NTM: variants seen among roughly 807,000 people sequenced by gnomAD.
The protein encoded by NTM is IgLON family member 2.
A neutral mutation model predicts 42.1 loss-of-function variants in NTM; 13 were observed. The observed-to-expected ratio is 0.31, with a 90% CI of 0.20 to 0.49. The LOEUF (loss-of-function observed/expected upper bound fraction) is 0.49. Ranked by LOEUF, NTM falls within the 20% of genes least tolerant of loss-of-function variation. NTM has a pLI of 0.99. For missense variants in NTM, 373 were observed against 452.8 expected (o/e 0.82, Z 1.60); for synonymous variants, 187 against 179.2 (o/e 1.04, Z -0.35).
chr11:132,295,762 C>T (rs1388161407), intron 4 of NTM, among the ~76,000 whole-genome samples: 2 of 152,104 alleles, frequency 1.3e-5, no homozygotes, highest in African/African-American at 4.8e-5. Flanking sequence ...CTCATGGGAA[C>T]CTTCACATTC....
In NTM at chr11:131,852,051, C is replaced by G. The variant is rs138017413; in HGVS notation, c.83-59513C>G. ...TACTGGACTCGCAGATAGAATTGTC[C>G]TTGATGTTCCGAATAGAGAGAAAGG... On this transcript the variant is annotated intron_variant, in intron 1 of 8. Transcript: ENST00000683400. Among the ~76,000 whole-genome samples, 351 of 152,176 alleles carry G rather than the reference C, an allele frequency of 2.3e-3. 1 individual carries two copies. Among genetic ancestry groups the G allele is most frequent in the African/African-American group, 8.1e-3 (336 of 41,546 alleles).
intron 4 of NTM, among the ~76,000 whole-genome samples, chr11:132,299,871 A>G (rs1799017566): frequency 6.6e-6 from 1 of 152,136 alleles, no homozygotes; most frequent in Non-Finnish European, 1.5e-5. Flanking sequence ...TATCCAAAGG[A>G]AATGTCAAGG....
intron 1 of NTM, among the ~76,000 whole-genome samples, chr11:131,476,683 C>G (rs532440119): frequency 1.6e-4 from 25 of 152,190 alleles, no homozygotes; most frequent in Admixed American, 1.4e-3. Flanking sequence ...CCTAAAGACA[C>G]TCTAGTGAAA....
At chr11:131,780,352 A>T (rs1257305745) in intron 1 of NTM, among the ~76,000 whole-genome samples, 1 of 152,136 alleles carries the variant, frequency 6.6e-6, no homozygotes, top group Non-Finnish European at 1.5e-5. Context: ...GACCTCACTG[A>T]GGGACAATGG....
intron 2 of NTM, among the ~76,000 whole-genome samples, chr11:132,096,089 G>T (rs1325410814): frequency 6.6e-6 from 1 of 152,186 alleles, no homozygotes; most frequent in Admixed American, 6.5e-5. Context: ...CTCAGTGACA[G>T]ATTCTGTCTC....
At chr11:131,928,095 A>G (rs180685383) in intron 2 of NTM, among the ~76,000 whole-genome samples, 1 of 152,206 alleles carries the variant, frequency 6.6e-6, no homozygotes, top group Non-Finnish European at 1.5e-5. Flanking sequence ...TACCTGACAG[A>G]GTTGTTACAA....
At chr11:131,563,521 G>A (rs545329521) in intron 1 of NTM, among the ~76,000 whole-genome samples, 1 of 150,526 alleles carries the variant, frequency 6.6e-6, no homozygotes, top group East Asian at 2.0e-4. Context: ...GCCTGGGCGG[G>A]CCAGGGCCAG....
intron 1 of NTM, among the ~76,000 whole-genome samples, chr11:131,383,891 C>A (rs1419199985): frequency 3.3e-5 from 5 of 152,000 alleles, no homozygotes; most frequent in Non-Finnish European, 5.9e-5. Flanking sequence ...GACGTTGCAA[C>A]CAGTTAGGCA....
rs142869381 is a variant in NTM, at chr11:131,596,937, G to C, written c.82+226049G>C. 2.1e-4 allele frequency among the ~76,000 whole-genome samples: 32 copies of C among 152,336 alleles called. No individual in the cohort carries two copies. In the East Asian group the frequency reaches 4.8e-3, roughly 23 times the overall value. On this transcript the variant is annotated intron_variant, in intron 1 of 8. Transcript: ENST00000683400. ...CTCCAAAACTGAAGAACTTGGGTCT[G>C]ATGTTCCAGGGCAGGAAGCATCCAG...
chr11:131,714,967 C>T (rs2077536971), intron 1 of NTM, among the ~76,000 whole-genome samples: 1 of 152,204 alleles, frequency 6.6e-6, no homozygotes, highest in Admixed American at 6.5e-5. Context: ...CCAAAGTGGT[C>T]ATACAGTCAC....
At chr11:131,873,828 C>A (rs932439934) in intron 1 of NTM, among the ~76,000 whole-genome samples, 4 of 142,488 alleles carry the variant, frequency 2.8e-5, no homozygotes, top group Non-Finnish European at 6.0e-5. Flanking sequence ...CCCCAACAGG[C>A]CCCAGTGTGT....
intron 1 of NTM, among the ~76,000 whole-genome samples, chr11:131,755,335 G>A (rs918225914): frequency 1.3e-5 from 2 of 152,162 alleles, no homozygotes; most frequent in Non-Finnish European, 2.9e-5. Context: ...CCCTGGGGGT[G>A]AAGACTGGCA....
At chr11:132,066,013 T>G (rs1167171084) in intron 2 of NTM, among the ~76,000 whole-genome samples, 1 of 152,220 alleles carries the variant, frequency 6.6e-6, no homozygotes, top group Non-Finnish European at 1.5e-5. Context: ...GAGTGTAGAC[T>G]AGACCAGTTG....
chr11:131,972,042 C>CAA (rs61627120), intron 2 of NTM, among the ~76,000 whole-genome samples: 5 of 57,824 alleles, frequency 8.6e-5, no homozygotes, highest in South Asian at 7.5e-4. Context: ...GACTCCGTCT[C>CAA]AAAAAAAAAA....
intron 1 of NTM, among the ~76,000 whole-genome samples, chr11:131,614,433 G>A (rs2061731240): frequency 6.6e-6 from 1 of 152,184 alleles, no homozygotes; most frequent in African/African-American, 2.4e-5. Context: ...CCCCAAAATG[G>A]GTCTGTTCTT....
At chr11:132,208,554 C>A (rs774131096) in intron 3 of NTM, among the ~76,000 whole-genome samples, 1 of 152,138 alleles carries the variant, frequency 6.6e-6, no homozygotes, top group Non-Finnish European at 1.5e-5. Flanking sequence ...GCATGAGGTG[C>A]GATTGTCTCA....
chr11:132,314,737 G>A, intron 7 of NTM, 34 bp downstream of exon 7: 1 of 1,594,262 alleles, frequency 6.3e-7, no homozygotes, highest in East Asian at 2.3e-5. Flanking sequence ...CAAGAAGAGG[G>A]GAGAGGGTGC....
chr11:132,234,062 T>C (rs1187237969), intron 4 of NTM, among the ~76,000 whole-genome samples: 1 of 152,218 alleles, frequency 6.6e-6, no homozygotes, highest in Non-Finnish European at 1.5e-5. Flanking sequence ...TCTGCCTCCA[T>C]CTTCATTATG....
intron 1 of NTM, among the ~76,000 whole-genome samples, chr11:131,467,848 C>T (rs1457450545): frequency 6.6e-6 from 1 of 152,152 alleles, no homozygotes; most frequent in Non-Finnish European, 1.5e-5. Flanking sequence ...GAGTCTGTGA[C>T]CTCTGAGTGA....
Sources: gnomAD v4.1 joint callset for allele counts (sites outside exome capture counted in the v4.1 genomes callset) on GRCh38, gnomAD v4.1.1 for gene constraint, MANE v1.5 for transcripts, NCBI Gene and HGNC (gene_info 2026-07-23, HGNC 2026-07-21) for gene names.